The following SUGCT variants were observed in gnomAD, a reference collection of about 807,000 sequenced individuals.
The protein encoded by SUGCT is succinyl-CoA:glutarate CoA-transferase.
In SUGCT, 41 loss-of-function variants were observed where a neutral mutation model predicts 55.0. That is an observed-to-expected ratio of 0.74 (90% CI 0.58 to 0.97). The LOEUF (loss-of-function observed/expected upper bound fraction) is 0.97. Among genes scored for constraint, SUGCT ranks in the 50% least tolerant of loss-of-function variants. SUGCT has a pLI of 0.00. For synonymous variants in SUGCT, 187 were observed against 200.4 expected, an observed-to-expected ratio of 0.93 and a Z score of 0.56; for missense variants, 568 against 547.8, an observed-to-expected ratio of 1.04 and a Z score of -0.37.
At chr7:40,573,018 C>T (rs1385504934) in intron 12 of SUGCT, among the ~76,000 whole-genome samples, 1 of 152,144 alleles carries the variant, frequency 6.6e-6, no homozygotes, top group Non-Finnish European at 1.5e-5. Context: ...AATGCACCCC[C>T]CACAATGTCT....
At chr7:40,146,866 C>A (rs1228936887) in intron 1 of SUGCT, among the ~76,000 whole-genome samples, 1 of 152,116 alleles carries the variant, frequency 6.6e-6, no homozygotes, top group East Asian at 1.9e-4. Context: ...ACAGAGAAGA[C>A]CTTCAATTAT....
chr7:40,498,492 G>T (rs1001399272), intron 12 of SUGCT, among the ~76,000 whole-genome samples: 1 of 152,052 alleles, frequency 6.6e-6, no homozygotes, highest in Non-Finnish European at 1.5e-5. Flanking sequence ...CTCCCCACCA[G>T]AACTATCATC....
chr7:40,140,549 C>T (rs536852741), intron 1 of SUGCT, among the ~76,000 whole-genome samples: 50 of 152,208 alleles, frequency 3.3e-4, no homozygotes, highest in Non-Finnish European at 6.2e-4. Context: ...TACAGGCGCA[C>T]GCCACCACAC....
intron 13 of SUGCT, among the ~76,000 whole-genome samples, chr7:40,832,194 C>G (rs1028600898): frequency 6.6e-6 from 1 of 152,028 alleles, no homozygotes; most frequent in African/African-American, 2.4e-5. Flanking sequence ...GAAAAGTAAC[C>G]CAGAGCAGGC....
the SUGCT span, among the ~76,000 whole-genome samples, chr7:40,921,245 AC>A: frequency 1.3e-5 from 2 of 152,084 alleles, no homozygotes; most frequent in African/African-American, 4.8e-5. Context: ...TTATTTTTTT[AC>A]AAAATAATAT....
chr7:40,795,286 C>G (rs1371471145), intron 13 of SUGCT, among the ~76,000 whole-genome samples: 2 of 152,158 alleles, frequency 1.3e-5, no homozygotes, highest in Non-Finnish European at 2.9e-5. Flanking sequence ...GAACCCAGTT[C>G]TCCTCACACT....
intron 9 of SUGCT, among the ~76,000 whole-genome samples, chr7:40,359,425 A>G (rs6462977): frequency 0.96 from 146,006 of 152,196 alleles, 70,330 homozygotes; most frequent in East Asian, 1. Context: ...GGCTGGTCTC[A>G]AACTCCTGAC....
chr7:40,666,382 GGAAGGAAGGAAA>G (rs1801637352), intron 12 of SUGCT, among the ~76,000 whole-genome samples: 1 of 143,532 alleles, frequency 7.0e-6, no homozygotes, highest in Non-Finnish European at 1.5e-5. Context: ...AAGGAAGGAA[GGAAGGAAGGAAA>G]GAAAGAAAGT....
intron 6 of SUGCT, among the ~76,000 whole-genome samples, chr7:40,221,273 G>A (rs1231183754): frequency 6.6e-6 from 1 of 151,350 alleles, no homozygotes; most frequent in African/African-American, 2.4e-5. Context: ...AATTAGCCGG[G>A]CATGGTGGTG....
At chr7:40,800,286 CTTT>C (rs11307043) in intron 13 of SUGCT, among the ~76,000 whole-genome samples, 6 of 124,634 alleles carry the variant, frequency 4.8e-5, no homozygotes, top group Admixed American at 8.2e-5. Flanking sequence ...GTATTCATGA[CTTT>C]TTTTTTTTTT....
the SUGCT span, among the ~76,000 whole-genome samples, chr7:40,954,968 G>T: frequency 6.6e-6 from 1 of 152,084 alleles, no homozygotes; most frequent in African/African-American, 2.4e-5. Context: ...CATTATTTTT[G>T]AGGTCTCTGT....
At chr7:40,242,304 G>A (rs1156762794) in intron 7 of SUGCT, among the ~76,000 whole-genome samples, 2 of 151,834 alleles carry the variant, frequency 1.3e-5, no homozygotes, top group Non-Finnish European at 2.9e-5. Context: ...CTCCCCAGTA[G>A]CTGGGATTAT....
chr7:40,344,628 T>G (rs1401804770), intron 9 of SUGCT, among the ~76,000 whole-genome samples: 1 of 152,224 alleles, frequency 6.6e-6, no homozygotes, highest in Admixed American at 6.5e-5. Flanking sequence ...TTGTATGACC[T>G]GCAAAGCTGA....
At chr7:40,137,241 C>T (rs1309986465) in intron 1 of SUGCT, among the ~76,000 whole-genome samples, 2 of 152,070 alleles carry the variant, frequency 1.3e-5, no homozygotes, top group African/African-American at 2.4e-5. Flanking sequence ...GATCTTCCCA[C>T]GTCAGTCTCC....
intron 9 of SUGCT, 115 bp from the exon 10 acceptor site, chr7:40,449,172 T>C (rs1789048043): frequency 1.5e-6 from 1 of 652,538 alleles, no homozygotes; most frequent in Non-Finnish European, 2.6e-6. Flanking sequence ...TTAATCGATA[T>C]TGAATTAATA....
chr7:40,915,372 A>G, the SUGCT span, among the ~76,000 whole-genome samples: 6 of 152,310 alleles, frequency 3.9e-5, no homozygotes, highest in East Asian at 3.9e-4. Context: ...GGAGTTCAGT[A>G]TATGAAACTA....
chr7:40,381,986 A>T lies in SUGCT; in HGVS notation c.816+65131A>T, dbSNP rs74529591. On this transcript the variant is annotated intron_variant, in intron 9 of 13. Transcript: ENST00000335693. The stretch of plus-strand genomic sequence containing the variant: ...ATGACACAGATCTGGAGTAAATGTG[A>T]TTCCTACCATCAAGGGACGTGTGTG... Among the ~76,000 whole-genome samples, 613 of 151,834 alleles carry T rather than the reference A, an allele frequency of 4.0e-3. 4 individuals carry two copies. Among genetic ancestry groups the T allele is most frequent in the African/African-American group, 0.014 (560 of 41,448 alleles).
the SUGCT span, among the ~76,000 whole-genome samples, chr7:40,928,645 G>T: frequency 4.0e-5 from 6 of 151,212 alleles, no homozygotes; most frequent in Non-Finnish European, 7.4e-5. Flanking sequence ...CATCTCCCAG[G>T]CTGGAGTGCA....
At chr7:40,845,487 AAGGGGATGAC>A (rs1793507372) in intron 13 of SUGCT, among the ~76,000 whole-genome samples, 2 of 152,176 alleles carry the variant, frequency 1.3e-5, no homozygotes, top group South Asian at 4.1e-4. Context: ...GCTTTGAACC[AAGGGGATGAC>A]AGAAAAGATC....
Sources: allele counts gnomAD v4.1 joint callset (sites outside exome capture counted in the v4.1 genomes callset), GRCh38; gene constraint gnomAD v4.1.1; transcripts MANE v1.5; gene names NCBI Gene and HGNC (gene_info 2026-07-23, HGNC 2026-07-21).